The following ZC3H12B variants were observed in gnomAD, a reference collection of about 807,000 sequenced individuals.
ZC3H12B encodes the protein probable ribonuclease ZC3H12B.
Under a neutral mutation model 43.9 loss-of-function variants are expected in ZC3H12B, and 7 were observed. The ratio of observed to expected loss-of-function variants is 0.16; its 90% CI spans 0.09 to 0.30. The LOEUF (loss-of-function observed/expected upper bound fraction) is 0.30, where lower values mean the gene tolerates loss of function less well. ZC3H12B is among the 10% of genes least tolerant of loss of function. The probability of loss-of-function intolerance (pLI) is 1.00; values close to 1 mark genes in which losing one functional copy is unlikely to be tolerated. For synonymous variants in ZC3H12B, 222 were observed against 241.7 expected (o/e 0.92, Z 0.76); for missense variants, 475 against 670.2 (o/e 0.71, Z 3.22).
chrX:65,115,047 A>AT, the ZC3H12B span, among the ~76,000 whole-genome samples: 128 of 90,387 alleles, frequency 1.4e-3, no homozygotes, highest in African/African-American at 5.0e-3. Flanking sequence ...TGAAATTTTT[A>AT]TTTTTTTTTA....
At chrX:65,231,489 C>T in the ZC3H12B span, among the ~76,000 whole-genome samples, 1 of 110,968 alleles carries the variant, frequency 9.0e-6, no homozygotes, top group African/African-American at 3.3e-5. Flanking sequence ...CAATCCTTAT[C>T]TTAACCGCGT....
chrX:65,371,893 A>G (rs890980678), intron 2 of ZC3H12B, among the ~76,000 whole-genome samples: 17 of 111,314 alleles, frequency 1.5e-4, no homozygotes, highest in African/African-American at 4.9e-4. Flanking sequence ...CTTTTTAGAA[A>G]CTGCCAAAGA....
At chrX:65,408,516 C>G (rs1446273428) in intron 3 of ZC3H12B, 1 of 1,206,594 alleles carries the variant, frequency 8.3e-7, no homozygotes, top group East Asian at 3.0e-5. Flanking sequence ...CCCCTTACGC[C>G]TCACCCTTCG....
chrX:65,252,836 C>T, the ZC3H12B span, among the ~76,000 whole-genome samples: 4 of 111,923 alleles, frequency 3.6e-5, no homozygotes, highest in Non-Finnish European at 7.5e-5. Context: ...TGATCATTTA[C>T]ATAAATTCCC....
At chrX:65,182,662 T>C in the ZC3H12B span, among the ~76,000 whole-genome samples, 1 of 109,881 alleles carries the variant, frequency 9.1e-6, no homozygotes, top group East Asian at 2.9e-4. Flanking sequence ...ATTTGCAATG[T>C]GTGCATTCAC....
At chrX:65,462,385 G>A (rs753247883) in intron 3 of ZC3H12B, among the ~76,000 whole-genome samples, 5 of 110,677 alleles carry the variant, frequency 4.5e-5, no homozygotes, top group Admixed American at 1.9e-4. Context: ...AGCGACAGGC[G>A]CCTGTGATCC....
At chrX:65,211,996 GTTATGTATACTA>G in the ZC3H12B span, among the ~76,000 whole-genome samples, 11 of 61,891 alleles carry the variant, frequency 1.8e-4, no homozygotes, top group Non-Finnish European at 2.9e-4. Context: ...TATAATATAT[GTTATGTATACTA>G]TATAATATAT....
At chrX:65,223,063 G>T in the ZC3H12B span, among the ~76,000 whole-genome samples, 5 of 111,727 alleles carry the variant, frequency 4.5e-5, no homozygotes, top group Non-Finnish European at 9.4e-5. Flanking sequence ...ACAGAATAGA[G>T]AACCCAGAAA....
the ZC3H12B span, among the ~76,000 whole-genome samples, chrX:65,096,714 C>T: frequency 9.0e-6 from 1 of 111,719 alleles, no homozygotes; most frequent in African/African-American, 3.2e-5. Context: ...AATTTTGCCA[C>T]AACTACACAA....
intron 3 of ZC3H12B, among the ~76,000 whole-genome samples, chrX:65,426,907 C>A (rs1355218355): frequency 9.0e-6 from 1 of 110,838 alleles, no homozygotes; most frequent in Admixed American, 9.6e-5. Flanking sequence ...GAGGAAATAC[C>A]ATGTGGCAAT....
intron 3 of ZC3H12B, among the ~76,000 whole-genome samples, chrX:65,449,212 C>A (rs1364630499): frequency 9.0e-6 from 1 of 110,720 alleles, no homozygotes; most frequent in Admixed American, 9.6e-5. Flanking sequence ...AAGCTTAATA[C>A]CTGGTGTGGG....
At chrX:65,061,362 T>A in the ZC3H12B span, among the ~76,000 whole-genome samples, 1 of 111,609 alleles carries the variant, frequency 9.0e-6, no homozygotes, top group African/African-American at 3.3e-5. Context: ...TTCCGCTCCC[T>A]TTGTTCATGT....
intron 3 of ZC3H12B, among the ~76,000 whole-genome samples, chrX:65,478,490 A>G (rs776633393): frequency 8.9e-6 from 1 of 112,636 alleles, no homozygotes; most frequent in African/African-American, 3.2e-5. Flanking sequence ...TCCTCTTCCT[A>G]AGGTTTGTTT....
chrX:65,277,118 A>G, the ZC3H12B span, among the ~76,000 whole-genome samples: 7 of 112,148 alleles, frequency 6.2e-5, no homozygotes, highest in Non-Finnish European at 1.1e-4. Flanking sequence ...AAAAAGAGAC[A>G]AAAAATGAGT....
chrX:65,195,076 A>G, the ZC3H12B span, among the ~76,000 whole-genome samples: 9 of 101,145 alleles, frequency 8.9e-5, no homozygotes, highest in African/African-American at 3.1e-4. Flanking sequence ...TATTTGTTGT[A>G]GTGAACAGAT....
At chrX:65,214,091 C>T in the ZC3H12B span, among the ~76,000 whole-genome samples, 1 of 111,100 alleles carries the variant, frequency 9.0e-6, no homozygotes, top group Non-Finnish European at 1.9e-5. Flanking sequence ...GCTAAAAATG[C>T]TAATGATCAT....
chrX:65,402,931 A>G (rs917769651), intron 3 of ZC3H12B, among the ~76,000 whole-genome samples: 3 of 112,399 alleles, frequency 2.7e-5, no homozygotes, highest in Non-Finnish European at 3.8e-5. Context: ...AAGAATATTT[A>G]CTAGCATCAA....
the ZC3H12B span, among the ~76,000 whole-genome samples, chrX:65,275,880 T>C: frequency 9.0e-6 from 1 of 111,574 alleles, no homozygotes; most frequent in East Asian, 2.8e-4. Flanking sequence ...GAAAAAGTAT[T>C]CAAAATAATA....
chrX:65,432,610 C>T (rs1001045973), intron 3 of ZC3H12B, among the ~76,000 whole-genome samples: 4 of 111,898 alleles, frequency 3.6e-5, no homozygotes, highest in Non-Finnish European at 7.5e-5. Flanking sequence ...ATAAATGAAC[C>T]AGAATAAGAC....
Sources: gnomAD v4.1 joint callset for allele counts (sites outside exome capture counted in the v4.1 genomes callset) on GRCh38, gnomAD v4.1.1 for gene constraint, MANE v1.5 for transcripts, NCBI Gene and HGNC (gene_info 2026-07-23, HGNC 2026-07-21) for gene names.